CSMD1: variants seen among roughly 807,000 people sequenced by gnomAD.
The protein encoded by CSMD1 is CUB and sushi domain-containing protein 1.
Under a neutral mutation model 417.5 loss-of-function variants are expected in CSMD1, and 213 were observed. That is an observed-to-expected ratio of 0.51 (90% CI 0.46 to 0.57). CSMD1 has a LOEUF of 0.57. Ranked by LOEUF, CSMD1 falls within the 20% of genes least tolerant of loss-of-function variation. The pLI is 0.00. For synonymous variants in CSMD1, 2,862 were observed against 1,736.8 expected, an observed-to-expected ratio of 1.65 and a Z score of -16.11; for missense variants, 6,923 against 4,529.7, an observed-to-expected ratio of 1.53 and a Z score of -15.17.
At chr8:4,826,164 C>T (rs533438515) in intron 1 of CSMD1, among the ~76,000 whole-genome samples, 47 of 152,100 alleles carry the variant, frequency 3.1e-4, no homozygotes, top group Admixed American at 2.2e-3. Context: ...AAATCAGGAT[C>T]TTGTAGAGAC....
At chr8:4,428,878 C>T in intron 2 of CSMD1, among the ~76,000 whole-genome samples, 1 of 152,006 alleles carries the variant, frequency 6.6e-6, no homozygotes, top group East Asian at 1.9e-4. Flanking sequence ...CCACGTCCAG[C>T]TAATTTTTGC....
At chr8:4,256,604 A>T (rs1408096950) in intron 3 of CSMD1, among the ~76,000 whole-genome samples, 1 of 152,172 alleles carries the variant, frequency 6.6e-6, no homozygotes, top group Non-Finnish European at 1.5e-5. Context: ...CTTTAGAGAA[A>T]ACCACCTTGA....
At chr8:3,886,249 A>T (rs1350516792) in intron 5 of CSMD1, among the ~76,000 whole-genome samples, 2 of 152,060 alleles carry the variant, frequency 1.3e-5, no homozygotes, top group Admixed American at 1.3e-4. Context: ...GGGTTTCACC[A>T]TGTTGGCCTG....
chr8:4,075,706 T>G (rs7812806), intron 3 of CSMD1, among the ~76,000 whole-genome samples: 16,784 of 152,188 alleles, frequency 0.11, 1,041 homozygotes, highest in South Asian at 0.16. Context: ...GATATAAAAT[T>G]GTCAATGTAG....
At chr8:4,511,865 G>A (rs1354440336) in intron 2 of CSMD1, among the ~76,000 whole-genome samples, 1 of 152,278 alleles carries the variant, frequency 6.6e-6, no homozygotes, top group Admixed American at 6.5e-5. Flanking sequence ...TATTGGAGAA[G>A]AGCCTCCTCC....
At chr8:4,261,743 G>GA (rs1480882029) in intron 3 of CSMD1, among the ~76,000 whole-genome samples, 2 of 151,878 alleles carry the variant, frequency 1.3e-5, no homozygotes, top group Admixed American at 6.6e-5. Flanking sequence ...ATCACACACA[G>GA]AAAAATGTTT....
intron 5 of CSMD1, among the ~76,000 whole-genome samples, chr8:3,793,654 C>G (rs1283400109): frequency 6.6e-6 from 1 of 152,112 alleles, no homozygotes; most frequent in Non-Finnish European, 1.5e-5. Context: ...CTTGGATGAT[C>G]TCTCAGCATT....
intron 3 of CSMD1, among the ~76,000 whole-genome samples, chr8:4,210,675 G>A (rs574162981): frequency 1.3e-5 from 2 of 151,942 alleles, no homozygotes; most frequent in Non-Finnish European, 2.9e-5. Flanking sequence ...TCTGAAGAAA[G>A]CCAATTTTCC....
intron 3 of CSMD1, among the ~76,000 whole-genome samples, chr8:4,140,885 C>G (rs1367990660): frequency 1.3e-5 from 2 of 151,018 alleles, no homozygotes; most frequent in African/African-American, 5.0e-5. Flanking sequence ...TTGCTGATCG[C>G]CAATGCACAG....
intron 2 of CSMD1, among the ~76,000 whole-genome samples, chr8:4,591,718 G>T (rs754006908): frequency 6.6e-6 from 1 of 152,150 alleles, no homozygotes; most frequent in Non-Finnish European, 1.5e-5. Context: ...GAAAATTGCA[G>T]AGAAGGTTTT....
At chr8:3,270,838 C>G (rs1209727798) in intron 26 of CSMD1, among the ~76,000 whole-genome samples, 2 of 152,090 alleles carry the variant, frequency 1.3e-5, no homozygotes, top group Non-Finnish European at 1.5e-5. Flanking sequence ...TTAATTGACT[C>G]ACAGTTTCAC....
At chr8:3,175,661 A>G (rs1353223316) in intron 37 of CSMD1, among the ~76,000 whole-genome samples, 1 of 144,968 alleles carries the variant, frequency 6.9e-6, no homozygotes, top group Non-Finnish European at 1.5e-5. Flanking sequence ...TTCCCTCTGC[A>G]TAGGCTTCTG....
At chr8:3,865,823 C>G (rs13276828) in intron 5 of CSMD1, among the ~76,000 whole-genome samples, 12,336 of 152,140 alleles carry the variant, frequency 0.081, 577 homozygotes, top group South Asian at 0.15. Flanking sequence ...TGTAAATACC[C>G]TTCTCACATT....
intron 10 of CSMD1, among the ~76,000 whole-genome samples, chr8:3,546,503 T>G (rs1798670844): frequency 6.6e-6 from 1 of 151,006 alleles, no homozygotes; most frequent in African/African-American, 2.4e-5. Context: ...GCCACCGCAC[T>G]CCAGCCTGGT....
intron 2 of CSMD1, among the ~76,000 whole-genome samples, chr8:4,448,598 T>C (rs181132905): frequency 1.3e-5 from 2 of 152,238 alleles, no homozygotes; most frequent in African/African-American, 2.4e-5. Context: ...TTTTAAAGTC[T>C]TAGTATCAAT....
intron 27 of CSMD1, among the ~76,000 whole-genome samples, chr8:3,228,134 G>GTAAT (rs1798624383): frequency 6.6e-6 from 1 of 152,056 alleles, no homozygotes; most frequent in Non-Finnish European, 1.5e-5. Context: ...TATATTAATT[G>GTAAT]TAATTGTCTC....
chr8:4,628,539 T>A (rs912286189), intron 2 of CSMD1, among the ~76,000 whole-genome samples: 9 of 151,484 alleles, frequency 5.9e-5, no homozygotes, highest in Non-Finnish European at 1.0e-4. Context: ...AGACATAGGA[T>A]AAGCATAAAC....
chr8:4,115,231 G>T (rs1355385290), intron 3 of CSMD1, among the ~76,000 whole-genome samples: 3 of 152,168 alleles, frequency 2.0e-5, no homozygotes, highest in African/African-American at 7.2e-5. Flanking sequence ...CAACATTGAG[G>T]CAAGAGCTTC....
intron 6 of CSMD1, among the ~76,000 whole-genome samples, chr8:3,736,890 G>A (rs1014312621): frequency 6.6e-6 from 1 of 152,204 alleles, no homozygotes; most frequent in African/African-American, 2.4e-5. Flanking sequence ...TGTAGAAGGT[G>A]CTGTGTGCAT....
Sources: allele counts gnomAD v4.1 joint callset (sites outside exome capture counted in the v4.1 genomes callset), GRCh38; gene constraint gnomAD v4.1.1; transcripts MANE v1.5; gene names NCBI Gene and HGNC (gene_info 2026-07-23, HGNC 2026-07-21).